Variants in BRWD1 observed in about 807,000 individuals in gnomAD.
BRWD1 encodes the protein bromodomain and WD repeat domain containing 1.
Under a neutral mutation model 251.2 loss-of-function variants are expected in BRWD1, and 82 were observed. The ratio of observed to expected loss-of-function variants is 0.33; its 90% CI spans 0.27 to 0.39. The LOEUF (loss-of-function observed/expected upper bound fraction) is 0.39, where lower values mean the gene tolerates loss of function less well. Ranked by LOEUF, BRWD1 falls within the 10% of genes least tolerant of loss-of-function variation. BRWD1 has a pLI of 1.00. For synonymous variants in BRWD1, 918 were observed against 902.8 expected, an observed-to-expected ratio of 1.02 and a Z score of -0.30; for missense variants, 2,233 against 2,711.6, an observed-to-expected ratio of 0.82 and a Z score of 3.92.
intron 13 of BRWD1, among the ~76,000 whole-genome samples, chr21:39,274,129 TGAACCATA>T (rs2035204032): frequency 6.6e-6 from 1 of 152,228 alleles, no homozygotes; most frequent in African/African-American, 2.4e-5. Context: ...GTCAATGCTT[TGAACCATA>T]GAAAAAGTAC....
intron 8 of BRWD1, among the ~76,000 whole-genome samples, chr21:39,285,311 G>A (rs149979471): frequency 6.6e-6 from 1 of 152,292 alleles, no homozygotes; most frequent in African/African-American, 2.4e-5. Context: ...GGTTACCTAT[G>A]GCTGGGGAGT....
At chr21:39,260,565 T>C (rs553494799) in intron 17 of BRWD1, among the ~76,000 whole-genome samples, 25 of 152,312 alleles carry the variant, frequency 1.6e-4, no homozygotes, top group African/African-American at 6.0e-4. Flanking sequence ...CATGAAAACT[T>C]AACTGCCGCA....
rs557153368 is a variant in BRWD1, at chr21:39,189,114, G to C, written c.*7145C>G. On this transcript the variant is annotated 3_prime_UTR_variant, in exon 41 of 41. Coordinates refer to ENST00000342449, the MANE Select transcript of BRWD1 (RefSeq NM_033656.4). ...TCTTTAACACATTAAATCAATGTTA[G>C]CAAATGCTAAAATGTAAATATGCTA... 1.0e-6 allele frequency: 1 copy of C among 984,064 alleles called. No homozygotes were observed. Among genetic ancestry groups the C allele is most frequent in the East Asian group, 1.1e-4 (1 of 8,806 alleles). 61.0% of individuals were successfully genotyped at this position (984,064 alleles called of 1,614,324 possible). A position where few individuals can be genotyped will look rare whatever the true frequency, so the allele number is the denominator to read the frequency against.
chr21:39,240,116 G>A (rs578219226), intron 21 of BRWD1, among the ~76,000 whole-genome samples: 7 of 152,228 alleles, frequency 4.6e-5, no homozygotes, highest in African/African-American at 9.6e-5. Flanking sequence ...AAATGTAAAT[G>A]CATATTAATA....
intron 8 of BRWD1, among the ~76,000 whole-genome samples, chr21:39,287,863 T>C (rs1002992804): frequency 2.6e-5 from 4 of 152,200 alleles, no homozygotes; most frequent in African/African-American, 9.6e-5. Flanking sequence ...TGGGTGTAAA[T>C]TTCCCCTTCA....
chr21:39,285,537 G>C (rs1018591364), intron 8 of BRWD1, among the ~76,000 whole-genome samples: 1 of 152,126 alleles, frequency 6.6e-6, no homozygotes. Flanking sequence ...ACCCTCATTT[G>C]ATCCTTATAC....
At chr21:39,311,736 T>C (rs1207085227) in intron 4 of BRWD1, among the ~76,000 whole-genome samples, 1 of 152,272 alleles carries the variant, frequency 6.6e-6, no homozygotes, top group East Asian at 1.9e-4. Context: ...TTAAAGTGTT[T>C]ACTTCAAAAT....
chr21:39,279,528 A>T (rs903932889), intron 9 of BRWD1, among the ~76,000 whole-genome samples: 1 of 151,292 alleles, frequency 6.6e-6, no homozygotes. Flanking sequence ...AATCCCAGCT[A>T]CTCAGGAGGC....
rs2036598085 is a variant in BRWD1 at position 39,313,589 on chromosome 21, G to GC, written c.-99dup. ...GCTGGCGTCCCCTCTTCTCAGGCGC[G>GC]CGCCGCCGCCGCCGCCGCCGCCGCC... On this transcript the variant is annotated 5_prime_UTR_variant, in exon 1 of 41. It removes the in-frame stop codon of an upstream open reading frame in the 5' UTR. Coordinates refer to ENST00000342449, the MANE Select transcript of BRWD1 (RefSeq NM_033656.4). The GC allele has an allele frequency of 1.4e-5, 9 of 650,320 alleles. No individual in the cohort carries two copies. The South Asian group carries it at 1.6e-4, about 11-fold the overall frequency. The allele number at this position is 650,320 out of a possible 1,614,324, so 40.3% of individuals were successfully genotyped here. A position where few individuals can be genotyped will look rare whatever the true frequency, so the allele number is the denominator to read the frequency against.
At position 39,196,919 on chromosome 21, in the gene BRWD1, T is replaced by C. The variant is rs757062168; in HGVS notation, c.6150A>G (p.Thr2050=). The part of the protein sequence containing the change: ...APSKRKSSSV[T]SSGEDSKSHI... ...GACTTTTTGAATCTTCTCCTGAAGA[T>C]GTAACAGAGGAACTTTTTCTTTTAG... The change falls in exon 41 of 41, where the codon ACA becomes ACG. Residue 2050 remains threonine (T), a synonymous_variant. Transcript: ENST00000342449. 3 of 1,613,804 alleles carry C rather than the reference T, an allele frequency of 1.9e-6. No individual in the cohort carries two copies. Among genetic ancestry groups the C allele is most frequent in the East Asian group, 2.2e-5 (1 of 44,898 alleles).
At chr21:39,201,078 T>G (rs1241450739) in intron 38 of BRWD1, among the ~76,000 whole-genome samples, 1 of 152,236 alleles carries the variant, frequency 6.6e-6, no homozygotes, top group East Asian at 1.9e-4. Flanking sequence ...TCATTTCAAT[T>G]CCAGCATTTC....
intron 8 of BRWD1, among the ~76,000 whole-genome samples, chr21:39,288,014 T>G (rs1257173927): frequency 6.6e-6 from 1 of 152,246 alleles, no homozygotes; most frequent in Non-Finnish European, 1.5e-5. Flanking sequence ...TAGATAGGTC[T>G]GGCTCAGTGT....
chr21:39,213,460 T>TA (rs1230372439), intron 33 of BRWD1, 21 bp downstream of exon 33: 1 of 1,597,174 alleles, frequency 6.3e-7, no homozygotes. Context: ...AAAACCATTA[T>TA]AAAATCAACA....
intron 20 of BRWD1, among the ~76,000 whole-genome samples, chr21:39,249,965 C>T (rs2034340883): frequency 6.6e-6 from 1 of 150,612 alleles, no homozygotes; most frequent in African/African-American, 2.4e-5. Context: ...TGTATACACA[C>T]ACACATAGAT....
chr21:39,192,533 C>T lies in BRWD1; in HGVS notation c.*3726G>A. ...TGAAAAGTTCTACAATGACTTGTTGCACTCTATCACATTAAAATAATTGAA... is the reference window on the plus strand; with the variant it reads ...TGAAAAGTTCTACAATGACTTGTTGTACTCTATCACATTAAAATAATTGAA... On this transcript the variant is annotated 3_prime_UTR_variant, in exon 41 of 41. Coordinates refer to ENST00000342449, the MANE Select transcript of BRWD1 (RefSeq NM_033656.4). 19 of 983,886 alleles carry T rather than the reference C, an allele frequency of 1.9e-5. No homozygotes were observed. The highest frequency in any genetic ancestry group is 2.3e-5 in the Non-Finnish European group (19 of 828,600). The allele number at this position is 983,886 out of a possible 1,614,324, so 60.9% of individuals were successfully genotyped here. A position where few individuals can be genotyped will look rare whatever the true frequency, so the allele number is the denominator to read the frequency against.
chr21:39,222,783 AG>A (rs2033229181), intron 29 of BRWD1, among the ~76,000 whole-genome samples: 4 of 152,236 alleles, frequency 2.6e-5, no homozygotes, highest in Non-Finnish European at 5.9e-5. Flanking sequence ...ATAAGAAACA[AG>A]ATTTTTGCAG....
chr21:39,195,115 T>C lies in BRWD1; in HGVS notation c.*1144A>G. Reference sequence around the variant, plus strand: ...ATTATTTTCCCACAAAACATGACAGTTTCTTATATTTGGACTAGAAGTCAC... The same window carrying C: ...ATTATTTTCCCACAAAACATGACAGCTTCTTATATTTGGACTAGAAGTCAC... On this transcript the variant is annotated 3_prime_UTR_variant, in exon 41 of 41. Coordinates refer to ENST00000342449, the MANE Select transcript of BRWD1 (RefSeq NM_033656.4). 8.5e-7 allele frequency: 1 copy of C among 1,172,090 alleles called. No homozygotes were observed. Among genetic ancestry groups the C allele is most frequent in the East Asian group, 5.1e-5 (1 of 19,474 alleles). 72.6% of individuals were successfully genotyped at this position (1,172,090 alleles called of 1,614,324 possible). A position where few individuals can be genotyped will look rare whatever the true frequency, so the allele number is the denominator to read the frequency against.
At chr21:39,225,026 A>C in intron 28 of BRWD1, 60 bp downstream of exon 28, 1 of 1,235,270 alleles carries the variant, frequency 8.1e-7, no homozygotes, top group Non-Finnish European at 1.2e-6. Context: ...TGTATTATTT[A>C]TACAGCAACC....
intron 21 of BRWD1, among the ~76,000 whole-genome samples, chr21:39,240,845 G>A (rs901347949): frequency 4.6e-5 from 7 of 151,992 alleles, no homozygotes; most frequent in Non-Finnish European, 7.4e-5. Context: ...AAAAAGAACA[G>A]TAAGTAAATA....
Sources: allele counts gnomAD v4.1 joint callset (sites outside exome capture counted in the v4.1 genomes callset), GRCh38; gene constraint gnomAD v4.1.1; transcripts MANE v1.5; gene names NCBI Gene and HGNC (gene_info 2026-07-23, HGNC 2026-07-21).